Variants in INTU observed in about 807,000 individuals in gnomAD.
INTU encodes the protein inturned planar cell polarity protein, also known as protein inturned.
Under a neutral mutation model 100.5 loss-of-function variants are expected in INTU, and 68 were observed. The ratio of observed to expected loss-of-function variants is 0.68; its 90% CI spans 0.56 to 0.83. INTU has a LOEUF of 0.83. Among genes scored for constraint, INTU ranks in the 40% least tolerant of loss-of-function variants. The pLI is 0.00. For synonymous variants in INTU, 357 were observed against 395.7 expected (o/e 0.90, Z 1.16); for missense variants, 1,071 against 1,114.7 (o/e 0.96, Z 0.56).
chr4:127,674,691 CTTTTTTGTGAGTA>C (rs1226422786), intron 6 of INTU, among the ~76,000 whole-genome samples: 1 of 152,138 alleles, frequency 6.6e-6, no homozygotes, highest in Non-Finnish European at 1.5e-5. Flanking sequence ...TCCCTCTTAA[CTTTTTTGTGAGTA>C]TTTTGAAGTA....
intron 2 of INTU, among the ~76,000 whole-genome samples, chr4:127,655,185 A>T: frequency 6.6e-6 from 1 of 151,708 alleles, no homozygotes; most frequent in Non-Finnish European, 1.5e-5. Flanking sequence ...CTCGTAGCTC[A>T]GAGTAATTTC....
At position 127,722,659 on chromosome 4, in the gene INTU, C is replaced by G. The variant is rs890629021; in HGVS notation, c.*6223C>G. The G allele has an allele frequency of 2.6e-5, 4 of 152,352 alleles. No homozygotes were observed. Among genetic ancestry groups the G allele is most frequent in the African/African-American group, 9.6e-5 (4 of 41,478 alleles). The allele number at this position is 152,352 out of a possible 1,614,324, so 9.4% of individuals were successfully genotyped here. ...CCCTGGCTGGGGATGCTGAGATTCC[C>G]ACAGGGAGGCCCTGTCCAGTGAAGA... On this transcript the variant is annotated 3_prime_UTR_variant, in exon 16 of 16. Coordinates refer to ENST00000335251, the MANE Select transcript of INTU (RefSeq NM_015693.4).
Position 127,708,588 on chromosome 4 carries a change from T to C in INTU, c.2289T>C (p.Ser763=). 6.3e-7 allele frequency: 1 copy of C among 1,590,268 alleles called. No homozygotes were observed. Among genetic ancestry groups the C allele is most frequent in the Non-Finnish European group, 8.6e-7 (1 of 1,161,946 alleles). Residue 763 remains serine, a synonymous_variant, in exon 13 of 16, where the codon TCT becomes TCC. Coordinates refer to ENST00000335251, the MANE Select transcript of INTU (RefSeq NM_015693.4). The part of the protein sequence containing the change: ...GTLLKVTKKK[S]TLPNPFHLGN... ...TTTTTCAGGTCACTAAAAAGAAGTC[T>C]ACTCTTCCAAATCCATTTCATTTGG...
intron 13 of INTU, among the ~76,000 whole-genome samples, chr4:127,710,229 T>A (rs1731044139): frequency 6.6e-6 from 1 of 152,122 alleles, no homozygotes; most frequent in Non-Finnish European, 1.5e-5. Flanking sequence ...TTTATTCTCA[T>A]TATTGACATG....
Position 127,726,171 on chromosome 4 carries a change from G to C in INTU, c.*9735G>C, listed in dbSNP as rs534588116. 1.3e-5 allele frequency: 2 copies of C among 152,086 alleles called. No individual in the cohort carries two copies. Among genetic ancestry groups the C allele is most frequent in the African/African-American group, 4.8e-5 (2 of 41,476 alleles). 9.4% of individuals were successfully genotyped at this position (152,086 alleles called of 1,614,324 possible). A position where few individuals can be genotyped will look rare whatever the true frequency, so the allele number is the denominator to read the frequency against. On this transcript the variant is annotated 3_prime_UTR_variant, in exon 16 of 16. Transcript: ENST00000335251. ...TTTCTCTCCCTCTCCCCTTTCTTTAGCTCTTGTTTGTGTCTTGCCAAAGAA... is the reference window on the plus strand; with the variant it reads ...TTTCTCTCCCTCTCCCCTTTCTTTACCTCTTGTTTGTGTCTTGCCAAAGAA...
chr4:127,677,467 C>T lies in INTU; in HGVS notation c.1181+3254C>T, dbSNP rs1311420007. 7.3e-5 allele frequency among the ~76,000 whole-genome samples: 11 copies of T among 150,882 alleles called. 1 individual carries two copies. Among genetic ancestry groups the T allele is most frequent in the Non-Finnish European group, 1.2e-4 (8 of 68,026 alleles). The stretch of plus-strand genomic sequence containing the variant: ...CGAAAATCTGCTGTTCTGCAGCCAC[C>T]GCTGCTGGTACCCAGGCAAACAGGG... On this transcript the variant is annotated intron_variant, in intron 6 of 15. Transcript: ENST00000335251.
At chr4:127,712,540 C>T (rs1215488133) in intron 14 of INTU, among the ~76,000 whole-genome samples, 1 of 152,142 alleles carries the variant, frequency 6.6e-6, no homozygotes, top group Non-Finnish European at 1.5e-5. Flanking sequence ...AAAGTCCCTT[C>T]CTTCACGAAG....
At position 127,685,565 on chromosome 4, in the gene INTU, G is replaced by A. The variant is rs112431727; in HGVS notation, c.1259+1079G>A. ...CCTGATTGCTTACCAACATTTTCCA[G>A]ATAAGTGAGCTACAAAGAGCTGGGC... On this transcript the variant is annotated intron_variant, in intron 7 of 15. Transcript: ENST00000335251. 163 of 438,006 alleles carry A rather than the reference G, an allele frequency of 3.7e-4. 2 individuals are homozygous for A. The highest frequency in any genetic ancestry group is 2.7e-3 in the African/African-American group (136 of 49,482). The allele number at this position is 438,006 out of a possible 1,614,324, so 27.1% of individuals were successfully genotyped here. A position where few individuals can be genotyped will look rare whatever the true frequency, so the allele number is the denominator to read the frequency against.
Position 127,669,081 on chromosome 4 carries a change from C to T in INTU, c.1018C>T (p.Leu340Phe), listed in dbSNP as rs1728811644. ...TCCAATGTCTGAAGCATCTCAGAAA[C>T]TTAAAAGTGTGAGAGGGATTTTTCT... ...HYPMSEASQKLKSVRGIFLTL... is the reference protein window; with the variant it reads ...HYPMSEASQKFKSVRGIFLTL... Residue 340 changes from leucine (L) to phenylalanine (F), a missense_variant, in exon 5 of 16, where the codon CTT becomes TTT. By Grantham distance (22) the Leu-to-Phe change is conservative. Coordinates refer to ENST00000335251, the MANE Select transcript of INTU (RefSeq NM_015693.4). 1 of 1,548,156 alleles carries T rather than the reference C, an allele frequency of 6.5e-7. No individual in the cohort carries two copies. Among genetic ancestry groups the T allele is most frequent in the South Asian group, 1.2e-5 (1 of 81,814 alleles).
chr4:127,685,587 G>T, intron 7 of INTU: 1 of 403,320 alleles, frequency 2.5e-6, no homozygotes, highest in Non-Finnish European at 5.0e-6. Flanking sequence ...ACAAAGAGCT[G>T]GGCATCCATA....
intron 1 of INTU, among the ~76,000 whole-genome samples, chr4:127,639,301 A>T (rs1727207259): frequency 6.6e-6 from 1 of 152,056 alleles, no homozygotes. Flanking sequence ...TCACTTGGTT[A>T]TGTAAGGTAG....
At chr4:127,710,822 T>C (rs1018947744) in intron 13 of INTU, 91 bp from the exon 14 acceptor site, 1 of 705,498 alleles carries the variant, frequency 1.4e-6, no homozygotes, top group Non-Finnish European at 2.1e-6. Context: ...GATAAAAGCT[T>C]ATAAGAAGTC....
intron 9 of INTU, among the ~76,000 whole-genome samples, chr4:127,703,090 T>A (rs568985932): frequency 6.6e-6 from 1 of 152,260 alleles, no homozygotes; most frequent in African/African-American, 2.4e-5. Context: ...AATCATACAG[T>A]AGGTAATTTT....
intron 15 of INTU, 119 bp from the exon 16 acceptor site, chr4:127,716,206 A>T: frequency 1.9e-6 from 1 of 519,844 alleles, no homozygotes; most frequent in Non-Finnish European, 3.4e-6. Context: ...ATTTAGATTC[A>T]TGGATTTTAA....
intron 9 of INTU, among the ~76,000 whole-genome samples, chr4:127,703,256 T>C (rs1202594076): frequency 1.3e-5 from 2 of 152,200 alleles, no homozygotes; most frequent in African/African-American, 4.8e-5. Flanking sequence ...GGCTGGGTTA[T>C]TTCCAGTTTT....
intron 14 of INTU, 84 bp downstream of exon 14, chr4:127,711,186 C>A: frequency 9.7e-7 from 1 of 1,027,062 alleles, no homozygotes; most frequent in Non-Finnish European, 1.4e-6. Flanking sequence ...ATATGCCCAG[C>A]ATTGTTTTCA....
intron 8 of INTU, among the ~76,000 whole-genome samples, chr4:127,689,450 G>T (rs2126234340): frequency 6.6e-6 from 1 of 152,000 alleles, no homozygotes; most frequent in East Asian, 1.9e-4. Flanking sequence ...AAGAGTTCAA[G>T]ACCAGCCTGG....
chr4:127,655,176 T>C (rs58816569), intron 2 of INTU, among the ~76,000 whole-genome samples: 2,713 of 151,512 alleles, frequency 0.018, 76 homozygotes, highest in African/African-American at 0.063. Flanking sequence ...GAATGTCCTC[T>C]CGTAGCTCAG....
At chr4:127,655,993 C>G (rs58486324) in intron 2 of INTU, among the ~76,000 whole-genome samples, 1 of 152,108 alleles carries the variant, frequency 6.6e-6, no homozygotes, top group Non-Finnish European at 1.5e-5. Context: ...TTTCCAGGTG[C>G]GTCCGTCACC....
Sources: gnomAD v4.1 joint callset for allele counts (sites outside exome capture counted in the v4.1 genomes callset) on GRCh38, gnomAD v4.1.1 for gene constraint, MANE v1.5 for transcripts, NCBI Gene and HGNC (gene_info 2026-07-23, HGNC 2026-07-21) for gene names.